The following ZNF592 variants were observed in gnomAD, a reference collection of about 807,000 sequenced individuals.
ZNF592 encodes the protein spinocerebellar ataxia, autosomal recessive 5.
A neutral mutation model predicts 80.3 loss-of-function variants in ZNF592; 11 were observed. The observed-to-expected ratio is 0.14, with a 90% CI of 0.09 to 0.23. ZNF592 has a LOEUF of 0.23. Among genes scored for constraint, ZNF592 ranks in the 10% least tolerant of loss-of-function variants. The pLI, the probability that ZNF592 is intolerant of heterozygous loss-of-function variation, is 1.00. For synonymous variants in ZNF592, 646 were observed against 640.3 expected, an observed-to-expected ratio of 1.01 and a Z score of -0.13; for missense variants, 1,420 against 1,633.9, an observed-to-expected ratio of 0.87 and a Z score of 2.26.
Position 84,784,836 on chromosome 15 carries a change from C to G in ZNF592, c.2161C>G (p.Arg721Gly), listed in dbSNP as rs746252249. 42 of 1,613,950 alleles carry G rather than the reference C, an allele frequency of 2.6e-5. No individual in the cohort carries two copies. The Admixed American group carries it at 3.7e-4, about 14-fold the overall frequency. Residue 721 changes from arginine to glycine, a missense_variant, in exon 4 of 11, where the codon CGG (arginine) becomes GGG (glycine). Around this residue, in one of 7 missense-constraint regions of ZNF592, gnomAD observed 524 missense variants for 628.3 expected, o/e 0.83. Coordinates refer to ENST00000560079, the MANE Select transcript of ZNF592 (RefSeq NM_014630.3). The surrounding 1 kb of genome is among the most constrained non-coding windows in gnomAD (Gnocchi z 5.8). ...IKCLECHKQM[R>G]DYMVLAAHFQ... ...GTGTCTTGAATGTCACAAGCAGATG[C>G]GGGACTACATGGTCCTGGCTGCACA...
chr15:84,773,909 G>C (rs1962165934), intron 2 of ZNF592, among the ~76,000 whole-genome samples: 1 of 152,220 alleles, frequency 6.6e-6, no homozygotes, highest in Non-Finnish European at 1.5e-5. Flanking sequence ...TGGACACACA[G>C]TGGTTTTGAA....
rs1363532759 is a variant in ZNF592 at position 84,799,736 on chromosome 15, C to A, written c.3138-106C>A. On this transcript the variant is annotated intron_variant, in intron 9 of 10. Coordinates refer to ENST00000560079, the MANE Select transcript of ZNF592 (RefSeq NM_014630.3). The surrounding 1 kb of genome is among the most constrained non-coding windows in gnomAD (Gnocchi z 4.2). ...CTCTGGGGTTCCCAGCACTAGCCAG[C>A]CCAGGAGTCTGCTCCAGACTCCCTC... The A allele has an allele frequency of 6.4e-7, 1 of 1,562,628 alleles. No homozygotes were observed. The highest frequency in any genetic ancestry group is 8.7e-7 in the Non-Finnish European group (1 of 1,146,638).
intron 2 of ZNF592, among the ~76,000 whole-genome samples, chr15:84,766,424 C>T (rs1276750693): frequency 6.6e-6 from 1 of 152,058 alleles, no homozygotes; most frequent in Non-Finnish European, 1.5e-5. Flanking sequence ...GGATCCGTTG[C>T]CATGCTGGAT....
rs1963213752 is a variant in ZNF592, at chr15:84,805,434, TG to T, written c.*3042del. 1 of 152,606 alleles carries T rather than the reference TG, an allele frequency of 6.6e-6. No homozygotes were observed. Among genetic ancestry groups the T allele is most frequent in the Admixed American group, 6.5e-5 (1 of 15,290 alleles). 9.5% of individuals were successfully genotyped at this position (152,606 alleles called of 1,614,324 possible). A position where few individuals can be genotyped will look rare whatever the true frequency, so the allele number is the denominator to read the frequency against. ...CATTATGCTGCAGTGAATGCTCTAC[TG>T]ATCAAGTTAAACAGATAAGATCCCT... On this transcript the variant is annotated 3_prime_UTR_variant, in exon 11 of 11. Transcript: ENST00000560079.
Position 84,798,754 on chromosome 15 carries a change from C to T in ZNF592, c.2903C>T (p.Ala968Val), listed in dbSNP as rs768744865. 13 of 1,608,174 alleles carry T rather than the reference C, an allele frequency of 8.1e-6. No individual in the cohort carries two copies. The Admixed American group carries it at 2.0e-4, about 25-fold the overall frequency. The change falls in exon 8 of 11, where the codon GCC becomes GTC. Residue 968 changes from alanine (A) to valine (V), a missense_variant. Ala to Val is a moderately conservative substitution (Grantham distance 64). Coordinates refer to ENST00000560079, the MANE Select transcript of ZNF592 (RefSeq NM_014630.3). The surrounding 1 kb of genome is among the most constrained non-coding windows in gnomAD (Gnocchi z 4.5). ...TCTGGCCGCTGGGGTAGGCCTGAAG[C>T]CCACCGCAGGGTGGAAGCCAGGCCG... is the stretch of plus-strand genomic sequence containing the variant. ...LPSGRWGRPE[A>V]HRRVEARPRL...
intron 5 of ZNF592, among the ~76,000 whole-genome samples, chr15:84,791,325 T>G (rs1256335988): frequency 6.6e-6 from 1 of 152,198 alleles, no homozygotes; most frequent in African/African-American, 2.4e-5. Context: ...GTATCTTTCT[T>G]TTTGTTAATT....
At position 84,799,311 on chromosome 15, in the gene ZNF592, C is replaced by G. The variant is rs1414621320; in HGVS notation, c.3137+101C>G. ...GTGCTGCAAGATCAGGTGTCTAAGA[C>G]AAGAGACAAGTGATTTCCAACTGGA... On this transcript the variant is annotated intron_variant, in intron 9 of 10. Transcript: ENST00000560079. This position sits in a 1 kb window ranked among gnomAD's most constrained non-coding sequence, Gnocchi z 4.2. 1 of 1,198,846 alleles carries G rather than the reference C, an allele frequency of 8.3e-7. No individual in the cohort carries two copies. Among genetic ancestry groups the G allele is most frequent in the Admixed American group, 1.8e-5 (1 of 57,082 alleles). The allele number at this position is 1,198,846 out of a possible 1,614,324, so 74.3% of individuals were successfully genotyped here. A position where few individuals can be genotyped will look rare whatever the true frequency, so the allele number is the denominator to read the frequency against.
At chr15:84,773,237 A>T (rs370303276) in intron 2 of ZNF592, among the ~76,000 whole-genome samples, 4 of 125,276 alleles carry the variant, frequency 3.2e-5, no homozygotes, top group East Asian at 4.7e-4. Flanking sequence ...TTTGAGACGG[A>T]GTCTCGCTCT....
In ZNF592 at chr15:84,795,186, C is replaced by A. The variant is rs1419051753; in HGVS notation, c.2400-2683C>A. On this transcript the variant is annotated intron_variant, in intron 5 of 10. Transcript: ENST00000560079. The stretch of plus-strand genomic sequence containing the variant: ...TCTTTATTAATAATTTGGAGAATGG[C>A]TAATGATGTCATAAGGATGCAAGTT... 2.6e-5 allele frequency among the ~76,000 whole-genome samples: 4 copies of A among 152,064 alleles called. No individual in the cohort carries two copies. In the East Asian group the frequency reaches 7.7e-4, roughly 29 times the overall value.
At chr15:84,801,724 C>G (rs1291611839) in intron 10 of ZNF592, 139 bp from the exon 11 acceptor site, 2 of 1,234,142 alleles carry the variant, frequency 1.6e-6, no homozygotes, top group East Asian at 2.3e-5. Flanking sequence ...TGAAACAAAC[C>G]AAACGTAAAC....
intron 2 of ZNF592, among the ~76,000 whole-genome samples, chr15:84,768,056 TTTTAA>T (rs1310983694): frequency 3.9e-5 from 4 of 101,270 alleles, no homozygotes; most frequent in Non-Finnish European, 8.2e-5. Flanking sequence ...TTAATTTTAA[TTTTAA>T]TTTTTTTTTT....
At chr15:84,762,976 A>G (rs1210027806) in intron 1 of ZNF592, among the ~76,000 whole-genome samples, 1 of 152,144 alleles carries the variant, frequency 6.6e-6, no homozygotes, top group East Asian at 1.9e-4. Context: ...ATAACACTCT[A>G]AGTTGTGTCA....
Position 84,783,302 on chromosome 15 carries a change from C to T in ZNF592, c.627C>T (p.Pro209=). 3.7e-6 allele frequency: 6 copies of T among 1,614,214 alleles called. No homozygotes were observed. The highest frequency in any genetic ancestry group is 5.1e-6 in the Non-Finnish European group (6 of 1,180,036). ...HFCKKEPKPE[P]LPLGSQQEHE... The stretch of plus-strand genomic sequence containing the variant: ...GTAAGAAAGAACCCAAGCCAGAACC[C>T]CTGCCCTTGGGGAGCCAGCAGGAAC... The change falls in exon 4 of 11, where the codon CCC becomes CCT. Residue 209 remains proline (P), a synonymous_variant. Coordinates refer to ENST00000560079, the MANE Select transcript of ZNF592 (RefSeq NM_014630.3). The surrounding 1 kb of genome is among the most constrained non-coding windows in gnomAD (Gnocchi z 5.0).
In ZNF592 at chr15:84,784,467, T is replaced by C. The variant is rs1430924425; in HGVS notation, c.1792T>C (p.Leu598=). Residue 598 remains leucine, a synonymous_variant, in exon 4 of 11, where the codon TTA becomes CTA. Transcript: ENST00000560079. The surrounding 1 kb of genome is among the most constrained non-coding windows in gnomAD (Gnocchi z 5.8). ...CCLECGDAFA[L]EKSLSQHYGR... ...CCTGGAGTGTGGAGACGCATTTGCC[T>C]TAGAGAAGAGCCTGAGCCAGCACTA... The C allele has an allele frequency of 2.5e-6, 4 of 1,614,088 alleles. No homozygotes were observed. The African/African-American group carries it at 5.3e-5, about 22-fold the overall frequency.
intron 4 of ZNF592, among the ~76,000 whole-genome samples, chr15:84,787,188 C>G (rs1237069566): frequency 2.0e-5 from 3 of 152,098 alleles, no homozygotes; most frequent in Non-Finnish European, 4.4e-5. Context: ...AGGCAGAGGT[C>G]TGGGTGTAGG....
At chr15:84,789,916 G>A (rs1567073322) in intron 4 of ZNF592, among the ~76,000 whole-genome samples, 3 of 152,132 alleles carry the variant, frequency 2.0e-5, no homozygotes, top group East Asian at 1.9e-4. Flanking sequence ...TTTTCCCTCT[G>A]GGCTGGCTGC....
chr15:84,796,250 A>G (rs1260795464), intron 5 of ZNF592, among the ~76,000 whole-genome samples: 1 of 23,658 alleles, frequency 4.2e-5, no homozygotes, highest in Non-Finnish European at 7.2e-5. Flanking sequence ...ATATATATAT[A>G]TATATATATA....
chr15:84,800,270 A>G (rs1963052440), intron 10 of ZNF592, among the ~76,000 whole-genome samples: 1 of 152,108 alleles, frequency 6.6e-6, no homozygotes, highest in African/African-American at 2.4e-5. Flanking sequence ...TTTCACACAT[A>G]CCATTCTCTT....
chr15:84,758,705 A>G (rs1225985975), intron 1 of ZNF592, among the ~76,000 whole-genome samples: 2 of 149,186 alleles, frequency 1.3e-5, no homozygotes, highest in Non-Finnish European at 3.0e-5. Context: ...TGAGCCCAGG[A>G]GTTTGAGACT....
Sources: allele counts gnomAD v4.1 joint callset (sites outside exome capture counted in the v4.1 genomes callset), GRCh38; gene constraint gnomAD v4.1.1; regional missense constraint gnomAD v4.1.1; non-coding constraint Gnocchi (gnomAD v3.1); transcripts MANE v1.5; gene names NCBI Gene and HGNC (gene_info 2026-07-23, HGNC 2026-07-21).